Variants in NFILZ observed in about 807,000 individuals in gnomAD.
NFILZ encodes the protein NFIL3 like basic leucine zipper.
intron 3 of NFILZ, among the ~76,000 whole-genome samples, chr19:8,650,388 C>T (rs2042959992): frequency 6.6e-6 from 1 of 151,944 alleles, no homozygotes; most frequent in Non-Finnish European, 1.5e-5. Context: ...CGTGCGGTGG[C>T]TCACGCCTGT....
intron 3 of NFILZ, among the ~76,000 whole-genome samples, chr19:8,668,905 A>G (rs928355615): frequency 5.3e-5 from 8 of 152,168 alleles, no homozygotes; most frequent in Non-Finnish European, 1.0e-4. Context: ...CATTTTCAAC[A>G]CAGATAGTAC....
At position 8,678,123 on chromosome 19, in the gene NFILZ, ATC is replaced by A. The variant is rs2043124703; in HGVS notation, c.*489_*490del. Among the ~76,000 whole-genome samples, 19 of 147,658 alleles carry A rather than the reference ATC, an allele frequency of 1.3e-4. 3 individuals carry two copies. Among genetic ancestry groups the A allele is most frequent in the Admixed American group, 1.4e-4 (2 of 14,810 alleles). Reference sequence around the variant, plus strand: ...CATCCATCCATCCATCCATCCATCCATCCCTCCATCCATTCATCCACTTGTCC... The same window carrying A: ...CATCCATCCATCCATCCATCCATCCACCTCCATCCATTCATCCACTTGTCC... On this transcript the variant is annotated 3_prime_UTR_variant, in exon 6 of 6. Coordinates refer to ENST00000691075, the MANE Select transcript of NFILZ (RefSeq NM_001378600.1).
At chr19:8,650,653 CA>C (rs201551767) in intron 3 of NFILZ, among the ~76,000 whole-genome samples, 43,210 of 108,096 alleles carry the variant, frequency 0.4, 6,315 homozygotes, top group East Asian at 0.61. Flanking sequence ...GATTCTGTCT[CA>C]AAAAAAAAAA....
At chr19:8,676,505 G>T (rs1264870716) in intron 5 of NFILZ, among the ~76,000 whole-genome samples, 49 bp downstream of exon 5, 10 of 152,128 alleles carry the variant, frequency 6.6e-5, no homozygotes, top group African/African-American at 1.9e-4. Context: ...AGGGTACAGG[G>T]TTGAACCAGC....
chr19:8,634,664 T>C (rs1555745905), intron 2 of NFILZ, among the ~76,000 whole-genome samples: 2 of 151,920 alleles, frequency 1.3e-5, no homozygotes, highest in African/African-American at 2.4e-5. Context: ...TCGCTTGAGC[T>C]CAGGCATTGG....
intron 3 of NFILZ, among the ~76,000 whole-genome samples, chr19:8,646,601 C>T (rs1235488037): frequency 1.3e-5 from 2 of 152,092 alleles, no homozygotes; most frequent in South Asian, 2.1e-4. Context: ...AGTGGCTCCC[C>T]GAGGCCCCTG....
chr19:8,649,946 C>A (rs1309973908), intron 3 of NFILZ, among the ~76,000 whole-genome samples: 1 of 151,962 alleles, frequency 6.6e-6, no homozygotes, highest in South Asian at 2.1e-4. Context: ...GAAACCCCGT[C>A]TGTACTAAAA....
At chr19:8,660,568 C>T (rs1349699591) in intron 3 of NFILZ, among the ~76,000 whole-genome samples, 2 of 126,332 alleles carry the variant, frequency 1.6e-5, no homozygotes, top group African/African-American at 3.4e-5. Context: ...TCCTTCCTTC[C>T]TCCCCTCCCT....
At chr19:8,639,440 C>T (rs565620062) in intron 3 of NFILZ, among the ~76,000 whole-genome samples, 8 of 151,824 alleles carry the variant, frequency 5.3e-5, no homozygotes, top group African/African-American at 9.7e-5. Context: ...CAAAACAAAA[C>T]GCAACAATTA....
chr19:8,680,601 AC>A lies in NFILZ; in HGVS notation c.*2969del, dbSNP rs782738431. ...GATTCCTGCCTCTATGGTACTGATA[AC>A]CCAGGGAAGGAGATAGATTAAAAAA... is the stretch of plus-strand genomic sequence containing the variant. On this transcript the variant is annotated 3_prime_UTR_variant, in exon 6 of 6. Coordinates refer to ENST00000691075, the MANE Select transcript of NFILZ (RefSeq NM_001378600.1). Among the ~76,000 whole-genome samples the A allele has an allele frequency of 3.3e-5, 5 of 152,260 alleles. No homozygotes were observed. Among genetic ancestry groups the A allele is most frequent in the Non-Finnish European group, 5.9e-5 (4 of 68,028 alleles).
intron 1 of NFILZ, among the ~76,000 whole-genome samples, chr19:8,631,806 G>A (rs892997006): frequency 6.6e-6 from 1 of 151,336 alleles, no homozygotes; most frequent in Non-Finnish European, 1.5e-5. Flanking sequence ...GACCCTGGGG[G>A]CTTGGTCACT....
At chr19:8,646,225 TG>T (rs1673290828) in intron 3 of NFILZ, among the ~76,000 whole-genome samples, 2 of 152,030 alleles carry the variant, frequency 1.3e-5, no homozygotes, top group African/African-American at 4.8e-5. Context: ...TTAGTAGAGA[TG>T]GGGTTTCACC....
At chr19:8,673,153 C>T (rs890010185) in intron 3 of NFILZ, among the ~76,000 whole-genome samples, 5 of 151,908 alleles carry the variant, frequency 3.3e-5, no homozygotes, top group South Asian at 2.1e-4. Context: ...GAGTTGGTGG[C>T]GGTACTCACA....
chr19:8,637,026 G>C (rs1555746175), intron 3 of NFILZ, among the ~76,000 whole-genome samples: 1 of 152,122 alleles, frequency 6.6e-6, no homozygotes, highest in African/African-American at 2.4e-5. Flanking sequence ...AGGGTGCCTG[G>C]AGGGGAGGCC....
chr19:8,644,106 T>G (rs1375926706), intron 3 of NFILZ, among the ~76,000 whole-genome samples: 2 of 152,072 alleles, frequency 1.3e-5, no homozygotes, highest in Non-Finnish European at 2.9e-5. Flanking sequence ...ATTGATTGAT[T>G]GATTGATTAA....
At chr19:8,662,156 G>A (rs1263513640) in intron 3 of NFILZ, among the ~76,000 whole-genome samples, 27 of 150,880 alleles carry the variant, frequency 1.8e-4, no homozygotes, top group African/African-American at 6.6e-4. Context: ...AGTGAGCCAT[G>A]ATTGCACCAC....
intron 3 of NFILZ, among the ~76,000 whole-genome samples, chr19:8,640,145 C>G (rs2042912728): frequency 6.6e-6 from 1 of 152,036 alleles, no homozygotes; most frequent in Non-Finnish European, 1.5e-5. Context: ...GCCCGCTGAA[C>G]TCTTGCCCTC....
chr19:8,653,136 C>A (rs1267706692), intron 3 of NFILZ, among the ~76,000 whole-genome samples: 2 of 150,750 alleles, frequency 1.3e-5, no homozygotes, highest in African/African-American at 4.9e-5. Context: ...GGCTGGAGCG[C>A]AATGGTGCGA....
intron 3 of NFILZ, among the ~76,000 whole-genome samples, chr19:8,652,263 C>T (rs2042967855): frequency 6.6e-6 from 1 of 152,136 alleles, no homozygotes; most frequent in Non-Finnish European, 1.5e-5. Context: ...CCACCACACC[C>T]GGCTAATTTT....
Sources: allele counts gnomAD v4.1 joint callset (sites outside exome capture counted in the v4.1 genomes callset), GRCh38; gene constraint gnomAD v4.1.1; transcripts MANE v1.5; gene names NCBI Gene and HGNC (gene_info 2026-07-23, HGNC 2026-07-21).